Variants in JMJD1C observed in about 807,000 individuals in gnomAD.
JMJD1C encodes the protein jumonji domain-containing protein 1C.
In JMJD1C, 31 loss-of-function variants were observed where a neutral mutation model predicts 245.3. The ratio of observed to expected loss-of-function variants is 0.13; its 90% confidence interval spans 0.09 to 0.17. JMJD1C has a LOEUF of 0.17. Among genes scored for constraint, JMJD1C ranks in the 10% least tolerant of loss-of-function variants. The pLI is 1.00. For synonymous variants in JMJD1C, 1,057 were observed against 1,017.4 expected (o/e 1.04, Z -0.74); for missense variants, 2,691 against 3,000.2 (o/e 0.90, Z 2.41).
intron 1 of JMJD1C, among the ~76,000 whole-genome samples, chr10:63,477,230 ACAAGTTGATTCTAAACC>A (rs1953691092): frequency 2.0e-5 from 3 of 152,254 alleles, no homozygotes; most frequent in African/African-American, 7.2e-5. Flanking sequence ...TTTGACACCG[ACAAGTTGATTCTAAACC>A]CAAATAAGTT....
In JMJD1C at chr10:63,264,681, TA is replaced by T; in HGVS notation, c.416del (p.Leu139Ter). ...AGGGCTGAAAGGCACTATCTTCAGT[TA>T]AAAAATCCAGTTGCTTATCTACAAG... ...EFLVDKQLDF[L>X]TEDSAFQPYQ... On this transcript the variant is annotated frameshift_variant, in exon 3 of 26. Transcript: ENST00000399262. LOFTEE classifies it high-confidence loss of function. The T allele has an allele frequency of 1.9e-6, 3 of 1,579,234 alleles. No homozygotes were observed. Among genetic ancestry groups the T allele is most frequent in the South Asian group, 1.1e-5 (1 of 87,156 alleles).
rs183165535 is a variant in JMJD1C at position 63,408,655 on chromosome 10, G to A, written c.169-28173C>T. Among the ~76,000 whole-genome samples, 887 of 151,376 alleles carry A rather than the reference G, an allele frequency of 5.9e-3. 16 individuals carry two copies. The highest frequency in any genetic ancestry group is 0.02 in the African/African-American group (836 of 41,282). On this transcript the variant is annotated intron_variant, in intron 1 of 25. Transcript: ENST00000399262. ...AGTCAGGTCTGAGTCAAGTTTGAGA[G>A]TAGAATTAAGATATTTTCAGATGAA...
rs193204358 is a variant in JMJD1C, at chr10:63,437,571, C to T, written c.168+27924G>A. Among the ~76,000 whole-genome samples the T allele has an allele frequency of 1.5e-3, 235 of 152,320 alleles. 2 individuals carry two copies. The highest frequency in any genetic ancestry group is 2.8e-3 in the Non-Finnish European group (193 of 68,026). On this transcript the variant is annotated intron_variant, in intron 1 of 25. Transcript: ENST00000399262. The stretch of plus-strand genomic sequence containing the variant: ...CCTATCTCTGAATTGTTTTCATCAA[C>T]ATACAAATATGGTATATTGTCTTCC...
intron 3 of JMJD1C, among the ~76,000 whole-genome samples, chr10:63,239,993 CATTT>C (rs2133487707): frequency 6.6e-6 from 1 of 152,282 alleles, no homozygotes; most frequent in Non-Finnish European, 1.5e-5. Context: ...TTTGTCATCG[CATTT>C]ATTACATTGT....
chr10:63,343,448 G>A (rs1176497952), intron 2 of JMJD1C, among the ~76,000 whole-genome samples: 1 of 151,970 alleles, frequency 6.6e-6, no homozygotes, highest in Non-Finnish European at 1.5e-5. Flanking sequence ...AGGTTGGCTG[G>A]TGACTTCATT....
In JMJD1C at chr10:63,220,002, A is replaced by G; in HGVS notation, c.448-19T>C. Reference sequence around the variant, plus strand: ...TGTCGTCCTAGAATTATAGATTAAAAGAAAGGTCCATGTTACGCTCTCCTA... The same window carrying G: ...TGTCGTCCTAGAATTATAGATTAAAGGAAAGGTCCATGTTACGCTCTCCTA... On this transcript the variant is annotated intron_variant, in intron 3 of 25. Transcript: ENST00000399262. 1 of 1,572,346 alleles carries G rather than the reference A, an allele frequency of 6.4e-7. No homozygotes were observed. The highest frequency in any genetic ancestry group is 8.7e-7 in the Non-Finnish European group (1 of 1,143,512).
At chr10:63,505,316 C>CAA (rs145038480) in intron 1 of JMJD1C, among the ~76,000 whole-genome samples, 36 of 57,198 alleles carry the variant, frequency 6.3e-4, no homozygotes, top group African/African-American at 1.3e-3. Flanking sequence ...GAGTCCGTCT[C>CAA]AAAAAAAAAA....
intron 2 of JMJD1C, among the ~76,000 whole-genome samples, chr10:63,282,202 A>T (rs558639005): frequency 2.6e-5 from 4 of 152,222 alleles, no homozygotes; most frequent in Non-Finnish European, 5.9e-5. Flanking sequence ...TTGTTTGTTA[A>T]AACTGATGAT....
intron 2 of JMJD1C, among the ~76,000 whole-genome samples, chr10:63,312,009 T>C (rs181563861): frequency 4.6e-5 from 7 of 151,954 alleles, no homozygotes; most frequent in Admixed American, 3.9e-4. Context: ...CCAAAATAAA[T>C]TACTTAACAA....
chr10:63,186,393 A>G lies in JMJD1C; in HGVS notation c.6571-10T>C. The stretch of plus-strand genomic sequence containing the variant: ...CAGAAACCACTGCAGGCTTATAAAT[A>G]GATAAATAAATAACAGTTAAAAGAT... On this transcript the variant is annotated splice_polypyrimidine_tract_variant and intron_variant, in intron 18 of 25. Transcript: ENST00000399262. 6.4e-7 allele frequency: 1 copy of G among 1,572,022 alleles called. No individual in the cohort carries two copies. The highest frequency in any genetic ancestry group is 1.4e-5 in the African/African-American group (1 of 72,888).
intron 2 of JMJD1C, among the ~76,000 whole-genome samples, chr10:63,299,907 TC>T (rs1195185175): frequency 1.3e-5 from 2 of 151,862 alleles, no homozygotes; most frequent in Non-Finnish European, 2.9e-5. Flanking sequence ...TTACAGATGA[TC>T]AGGTCTTTGA....
intron 2 of JMJD1C, among the ~76,000 whole-genome samples, chr10:63,362,746 G>A (rs1367574163): frequency 6.6e-6 from 1 of 152,090 alleles, no homozygotes; most frequent in Admixed American, 6.6e-5. Context: ...CTCTCAAAAT[G>A]CTGGGATTAC....
At chr10:63,245,953 CAG>C (rs568300535) in intron 3 of JMJD1C, among the ~76,000 whole-genome samples, 2 of 152,162 alleles carry the variant, frequency 1.3e-5, no homozygotes, top group South Asian at 2.1e-4. Context: ...GCAAACATAT[CAG>C]AGACTTTCAA....
At position 63,381,204 on chromosome 10, in the gene JMJD1C, G is replaced by A. The variant is rs140690542; in HGVS notation, c.169-722C>T. Among the ~76,000 whole-genome samples, 986 of 152,236 alleles carry A rather than the reference G, an allele frequency of 6.5e-3. 7 individuals are homozygous for A. Among genetic ancestry groups the A allele is most frequent in the South Asian group, 0.022 (107 of 4,822 alleles). On this transcript the variant is annotated intron_variant, in intron 1 of 25. Coordinates refer to ENST00000399262, the MANE Select transcript of JMJD1C (RefSeq NM_032776.3). ...ATCACATGTTCACACTCATATGTGG[G>A]AGTCAAAAACATGGATCTTGACCCA...
intron 1 of JMJD1C, among the ~76,000 whole-genome samples, chr10:63,462,368 A>G (rs1952853653): frequency 6.6e-6 from 1 of 152,216 alleles, no homozygotes; most frequent in Non-Finnish European, 1.5e-5. Flanking sequence ...ATCTTACTTT[A>G]TTTGTATTAA....
intron 18 of JMJD1C, among the ~76,000 whole-genome samples, chr10:63,187,867 T>C (rs1004658695): frequency 6.6e-6 from 1 of 152,196 alleles, no homozygotes; most frequent in Non-Finnish European, 1.5e-5. Context: ...ATTAAAACTA[T>C]CACCTAGAGT....
intron 1 of JMJD1C, among the ~76,000 whole-genome samples, chr10:63,448,976 G>C (rs1951871585): frequency 6.6e-6 from 1 of 151,934 alleles, no homozygotes; most frequent in Non-Finnish European, 1.5e-5. Flanking sequence ...AATTAGCCAG[G>C]TGCGGTGGCG....
intron 3 of JMJD1C, among the ~76,000 whole-genome samples, chr10:63,262,800 C>T (rs1027259277): frequency 9.0e-6 from 1 of 110,804 alleles, no homozygotes; most frequent in Admixed American, 8.8e-5. Context: ...GCCTCTCAAA[C>T]TGTTTTAAAA....
At position 63,209,253 on chromosome 10, in the gene JMJD1C, C is replaced by CA. The variant is rs749532433; in HGVS notation, c.2695-19dup. 5.9e-4 allele frequency: 926 copies of CA among 1,565,522 alleles called. No homozygotes were observed. Among genetic ancestry groups the CA allele is most frequent in the Non-Finnish European group, 7.2e-4 (834 of 1,158,116 alleles). On this transcript the variant is annotated intron_variant, in intron 8 of 25. Coordinates refer to ENST00000399262, the MANE Select transcript of JMJD1C (RefSeq NM_032776.3). ...GGAGAATTCTATTAACAAAACAAAA[C>CA]AAAAAAAACACCTAGATTTCAGTTA...
Sources: allele counts gnomAD v4.1 joint callset (sites outside exome capture counted in the v4.1 genomes callset), GRCh38; gene constraint gnomAD v4.1.1; transcripts MANE v1.5; gene names NCBI Gene and HGNC (gene_info 2026-07-23, HGNC 2026-07-21).